PCDHGA8: variants seen among roughly 807,000 people sequenced by gnomAD.
PCDHGA8 encodes the protein protocadherin gamma subfamily A, 8, also known as protocadherin gamma-A8.
PCDHGA8 carries 45 observed loss-of-function variants against 59.2 expected under a neutral mutation model. The ratio of observed to expected loss-of-function variants is 0.76; its 90% CI spans 0.60 to 0.98. The LOEUF is 0.98. PCDHGA8 is among the 50% of genes least tolerant of loss of function. The pLI is 0.00. For synonymous variants in PCDHGA8, 531 were observed against 519.0 expected, an observed-to-expected ratio of 1.02 and a Z score of -0.32; for missense variants, 1,257 against 1,196.2, an observed-to-expected ratio of 1.05 and a Z score of -0.75.
chr5:141,448,524 T>C (rs1177408162), intron 1 of PCDHGA8, among the ~76,000 whole-genome samples: 1 of 152,194 alleles, frequency 6.6e-6, no homozygotes, highest in Non-Finnish European at 1.5e-5. Context: ...TTATTAAGCA[T>C]CCTGTCAGCA....
chr5:141,477,059 A>T lies in PCDHGA8; in HGVS notation c.2425-17748A>T. The T allele has an allele frequency of 6.2e-7, 1 of 1,614,238 alleles. No homozygotes were observed. Among genetic ancestry groups the T allele is most frequent in the Non-Finnish European group, 8.5e-7 (1 of 1,180,036 alleles). ...CAAGGGTCGGCTGGACTTCGAGGAC[A>T]CCAAACTCCATGAGATTTACATCCA... On this transcript the variant is annotated intron_variant, in intron 1 of 3. Transcript: ENST00000398604. The surrounding 1 kb of genome is among the most constrained non-coding windows in gnomAD (Gnocchi z 4.9).
At chr5:141,452,954 T>A (rs1315313825) in intron 1 of PCDHGA8, among the ~76,000 whole-genome samples, 5 of 152,220 alleles carry the variant, frequency 3.3e-5, no homozygotes, top group Non-Finnish European at 1.5e-5. Context: ...ATTGGTTGTC[T>A]TTAAACTGAG....
chr5:141,420,394 C>A, intron 1 of PCDHGA8: 2 of 1,260,296 alleles, frequency 1.6e-6, no homozygotes, highest in Non-Finnish European at 2.1e-6. Flanking sequence ...AAATATAGGT[C>A]AAATTTATGG....
chr5:141,495,529 C>T (rs1466269939), intron 2 of PCDHGA8, among the ~76,000 whole-genome samples: 1 of 152,210 alleles, frequency 6.6e-6, no homozygotes, highest in African/African-American at 2.4e-5. Flanking sequence ...ACCTCTCAGT[C>T]CTTCCCTCAG....
chr5:141,491,810 G>T lies in PCDHGA8; in HGVS notation c.2425-2997G>T. 1 of 1,486,878 alleles carries T rather than the reference G, an allele frequency of 6.7e-7. No individual in the cohort carries two copies. The allele number at this position is 1,486,878 out of a possible 1,614,324, so 92.1% of individuals were successfully genotyped here. A position where few individuals can be genotyped will look rare whatever the true frequency, so the allele number is the denominator to read the frequency against. ...CCACTCCTCTCCGGCCGGCTTGGTC[G>T]CTGGCTGCGCTCCACCCGATTCTCG... On this transcript the variant is annotated intron_variant, in intron 1 of 3. Coordinates refer to ENST00000398604, the MANE Select transcript of PCDHGA8 (RefSeq NM_032088.2). This position sits in a 1 kb window ranked among gnomAD's most constrained non-coding sequence, Gnocchi z 6.9.
At position 141,393,853 on chromosome 5, in the gene PCDHGA8, T is replaced by A; in HGVS notation, c.1040T>A (p.Val347Glu). 1 of 1,613,992 alleles carries A rather than the reference T, an allele frequency of 6.2e-7. No homozygotes were observed. The highest frequency in any genetic ancestry group is 1.7e-5 in the Admixed American group (1 of 60,032). ...VEDVNDNRPE[V>E]IITSLFSPVL... Reference sequence around the variant, plus strand: ...GATGTAAATGACAATAGACCAGAAGTGATCATTACGTCTTTGTTTAGCCCA... The same window carrying A: ...GATGTAAATGACAATAGACCAGAAGAGATCATTACGTCTTTGTTTAGCCCA... The change falls in exon 1 of 4, where the codon GTG (valine) becomes GAG (glutamate). Residue 347 changes from valine (V) to glutamate (E), a missense_variant. By Grantham distance (121) the Val-to-Glu change is moderately radical. Coordinates refer to ENST00000398604, the MANE Select transcript of PCDHGA8 (RefSeq NM_032088.2).
chr5:141,432,073 C>T lies in PCDHGA8; in HGVS notation c.2424+36836C>T, dbSNP rs1276949951. On this transcript the variant is annotated intron_variant, in intron 1 of 3. Transcript: ENST00000398604. This position sits in a 1 kb window ranked among gnomAD's most constrained non-coding sequence, Gnocchi z 6.0. ...CGCCCCTATCCACGGAAACTCATAT[C>T]TCGCTGAACGTGGCAGACACCAACG... is the stretch of plus-strand genomic sequence containing the variant. 3.1e-6 allele frequency: 5 copies of T among 1,614,208 alleles called. No homozygotes were observed. Among genetic ancestry groups the T allele is most frequent in the Non-Finnish European group, 4.2e-6 (5 of 1,180,040 alleles).
intron 1 of PCDHGA8, among the ~76,000 whole-genome samples, chr5:141,467,628 CA>C (rs1301043003): frequency 6.6e-6 from 1 of 152,106 alleles, no homozygotes; most frequent in Non-Finnish European, 1.5e-5. Context: ...TTTGAGATAG[CA>C]TCTTTATCAT....
chr5:141,399,259 G>A, intron 1 of PCDHGA8: 1 of 1,613,874 alleles, frequency 6.2e-7, no homozygotes, highest in Non-Finnish European at 8.5e-7. Context: ...AAATGGGGAG[G>A]TTAATTGTCA....
At chr5:141,482,999 T>G (rs1031397558) in intron 1 of PCDHGA8, among the ~76,000 whole-genome samples, 3 of 151,950 alleles carry the variant, frequency 2.0e-5, no homozygotes, top group Non-Finnish European at 2.9e-5. Flanking sequence ...GCAGGAGAAT[T>G]GCTTGAACCC....
intron 1 of PCDHGA8, chr5:141,418,007 C>T: frequency 6.2e-7 from 1 of 1,613,904 alleles, no homozygotes; most frequent in Non-Finnish European, 8.5e-7. Flanking sequence ...GGTGGGGAAC[C>T]TCGCTAAGGA....
intron 1 of PCDHGA8, chr5:141,422,717 T>A: frequency 6.2e-7 from 1 of 1,604,832 alleles, no homozygotes; most frequent in Non-Finnish European, 8.5e-7. Flanking sequence ...GATGACACTG[T>A]CCAGGGGGTG....
At chr5:141,482,561 T>C (rs1411268228) in intron 1 of PCDHGA8, among the ~76,000 whole-genome samples, 3 of 136,978 alleles carry the variant, frequency 2.2e-5, no homozygotes, top group African/African-American at 8.6e-5. Flanking sequence ...ATAATGGAGA[T>C]CTGCATAGCA....
At chr5:141,437,741 C>CT (rs35124340) in intron 1 of PCDHGA8, among the ~76,000 whole-genome samples, 18,734 of 141,656 alleles carry the variant, frequency 0.13, 1,459 homozygotes, top group African/African-American at 0.22. Context: ...TTGAGTTCAC[C>CT]TTTTTTTTTT....
At position 141,511,622 on chromosome 5, in the gene PCDHGA8, A is replaced by G; in HGVS notation, c.*449A>G. 4.3e-6 allele frequency: 1 copy of G among 232,852 alleles called. No individual in the cohort carries two copies. The highest frequency in any genetic ancestry group is 8.7e-6 in the Non-Finnish European group (1 of 114,994). The allele number at this position is 232,852 out of a possible 1,614,324, so 14.4% of individuals were successfully genotyped here. A position where few individuals can be genotyped will look rare whatever the true frequency, so the allele number is the denominator to read the frequency against. On this transcript the variant is annotated 3_prime_UTR_variant, in exon 4 of 4. Transcript: ENST00000398604. ...AACCTACAAGCCTCCTAGTTCTGAA[A>G]AGTTGGAAGGGCATCATGACCTCTT...
At position 141,494,852 on chromosome 5, in the gene PCDHGA8, C is replaced by T. The variant is rs755464933; in HGVS notation, c.2470C>T (p.Pro824Ser). ...TDWRFSQAQR[P>S]GTSGSQNGDD... is the part of the protein sequence containing the mutation. Reference sequence around the variant, plus strand: ...CTGGCGTTTCTCTCAGGCCCAGAGACCCGGCACCAGCGGGTAGGTGACTGA... The same window carrying T: ...CTGGCGTTTCTCTCAGGCCCAGAGATCCGGCACCAGCGGGTAGGTGACTGA... The change falls in exon 2 of 4, where the codon CCC (proline) becomes TCC (serine). Residue 824 changes from proline (P) to serine (S), a missense_variant. Coordinates refer to ENST00000398604, the MANE Select transcript of PCDHGA8 (RefSeq NM_032088.2). 6 of 1,614,042 alleles carry T rather than the reference C, an allele frequency of 3.7e-6. No homozygotes were observed. Among genetic ancestry groups the T allele is most frequent in the Admixed American group, 1.7e-5 (1 of 60,000 alleles).
chr5:141,409,149 C>T (rs1248646625), intron 1 of PCDHGA8: 1 of 1,613,948 alleles, frequency 6.2e-7, no homozygotes, highest in Non-Finnish European at 8.5e-7. Context: ...GAAAGGTACA[C>T]CATGGAAGTG....
At position 141,476,813 on chromosome 5, in the gene PCDHGA8, A is replaced by G. The variant is rs749333814; in HGVS notation, c.2425-17994A>G. The G allele has an allele frequency of 6.8e-6, 11 of 1,613,548 alleles. No individual in the cohort carries two copies. Among genetic ancestry groups the G allele is most frequent in the Non-Finnish European group, 9.3e-6 (11 of 1,180,022 alleles). On this transcript the variant is annotated intron_variant, in intron 1 of 3. Transcript: ENST00000398604. The surrounding 1 kb of genome is among the most constrained non-coding windows in gnomAD (Gnocchi z 7.6). ...CTCCGCCAGCCTGCCTATTCACATC[A>G]AGGTGCTGGACGCGAATGACAATGC...
chr5:141,423,809 G>C, intron 1 of PCDHGA8: 1 of 1,260,030 alleles, frequency 7.9e-7, no homozygotes, highest in Non-Finnish European at 1.0e-6. Context: ...ATACATGTGA[G>C]TTTTACTTTG....
Sources: gnomAD v4.1 joint callset for allele counts (sites outside exome capture counted in the v4.1 genomes callset) on GRCh38, gnomAD v4.1.1 for gene constraint, Gnocchi (gnomAD v3.1) non-coding constraint, MANE v1.5 for transcripts, NCBI Gene and HGNC (gene_info 2026-07-23, HGNC 2026-07-21) for gene names.